Variants in CALD1 observed in about 807,000 individuals in gnomAD.
CALD1 encodes the protein caldesmon 1, also known as caldesmon.
A neutral mutation model predicts 99.9 loss-of-function variants in CALD1; 33 were observed. The ratio of observed to expected loss-of-function variants is 0.33; its 90% confidence interval spans 0.25 to 0.44. CALD1 has a LOEUF of 0.44. CALD1 is among the 20% of genes least tolerant of loss of function. The probability of loss-of-function intolerance (pLI) is 1.00; values close to 1 mark genes in which losing one functional copy is unlikely to be tolerated. For synonymous variants in CALD1, 310 were observed against 325.0 expected (o/e 0.95, Z 0.50); for missense variants, 861 against 962.1 (o/e 0.89, Z 1.39).
chr7:134,935,530 C>T (rs1047427899), intron 5 of CALD1, among the ~76,000 whole-genome samples, 158 bp from the exon 6 acceptor site: 2 of 152,174 alleles, frequency 1.3e-5, no homozygotes, highest in African/African-American at 4.8e-5. Context: ...AAATATCCCA[C>T]CTTGCTGTTT....
intron 2 of CALD1, among the ~76,000 whole-genome samples, chr7:134,864,958 C>T (rs1439360476): frequency 6.6e-6 from 1 of 152,204 alleles, no homozygotes. Context: ...AACGCATCAT[C>T]TGTCACTAAC....
chr7:134,965,410 T>C (rs780248049), intron 14 of CALD1, 24 bp downstream of exon 14: 2 of 1,135,782 alleles, frequency 1.8e-6, no homozygotes, highest in South Asian at 2.5e-5. Context: ...AAGACTAGTA[T>C]TTCAGAGGTT....
intron 1 of CALD1, among the ~76,000 whole-genome samples, chr7:134,815,325 T>C (rs1459236067): frequency 6.6e-6 from 1 of 152,168 alleles, no homozygotes; most frequent in East Asian, 1.9e-4. Flanking sequence ...AAGGAGAACA[T>C]ATACTCCATG....
At chr7:134,883,180 T>C (rs1293038993) in intron 3 of CALD1, among the ~76,000 whole-genome samples, 1 of 152,214 alleles carries the variant, frequency 6.6e-6, no homozygotes, top group African/African-American at 2.4e-5. Flanking sequence ...TTAGATCTAC[T>C]GGGAAAGAGT....
chr7:134,858,192 T>A (rs1800402318), intron 2 of CALD1, among the ~76,000 whole-genome samples: 1 of 152,114 alleles, frequency 6.6e-6, no homozygotes, highest in Non-Finnish European at 1.5e-5. Context: ...GAAAGGCCCA[T>A]GGCTTCTGAA....
chr7:134,824,871 T>C (rs555044893), intron 1 of CALD1, among the ~76,000 whole-genome samples: 1 of 152,324 alleles, frequency 6.6e-6, no homozygotes, highest in South Asian at 2.1e-4. Flanking sequence ...ACTAGAGATA[T>C]ACGTCACTTG....
At chr7:134,857,270 G>A (rs1800351866) in intron 2 of CALD1, among the ~76,000 whole-genome samples, 1 of 140,606 alleles carries the variant, frequency 7.1e-6, no homozygotes, top group Admixed American at 7.8e-5. Flanking sequence ...CCGGGTTCAC[G>A]CCATTCTCCT....
At chr7:134,957,879 C>T (rs1807896460) in intron 9 of CALD1, among the ~76,000 whole-genome samples, 190 bp from the exon 10 acceptor site, 1 of 151,624 alleles carries the variant, frequency 6.6e-6, no homozygotes, top group African/African-American at 2.4e-5. Context: ...ACCTTCATTC[C>T]CCCAAATCTC....
intron 2 of CALD1, among the ~76,000 whole-genome samples, chr7:134,863,604 G>C (rs1006469447): frequency 6.6e-6 from 1 of 152,070 alleles, no homozygotes; most frequent in East Asian, 1.9e-4. Context: ...CCAAACAAAA[G>C]CAGAAACTTA....
chr7:134,874,406 T>C (rs1183572335), intron 3 of CALD1, among the ~76,000 whole-genome samples: 6 of 152,184 alleles, frequency 3.9e-5, no homozygotes, highest in African/African-American at 1.2e-4. Context: ...CTCAAACTCC[T>C]GGCCTCAAGT....
At chr7:134,938,847 C>T (rs1013135499) in intron 6 of CALD1, among the ~76,000 whole-genome samples, 3 of 152,014 alleles carry the variant, frequency 2.0e-5, no homozygotes, top group African/African-American at 7.2e-5. Context: ...TTCTGTTAGA[C>T]ATGTATCATC....
At chr7:134,915,491 G>T (rs945766410) in intron 3 of CALD1, among the ~76,000 whole-genome samples, 1 of 152,190 alleles carries the variant, frequency 6.6e-6, no homozygotes, top group African/African-American at 2.4e-5. Flanking sequence ...GACAGCATAA[G>T]CCTTATTGGT....
chr7:134,807,170 A>G (rs1393445542), intron 1 of CALD1, among the ~76,000 whole-genome samples: 1 of 152,194 alleles, frequency 6.6e-6, no homozygotes, highest in Non-Finnish European at 1.5e-5. Flanking sequence ...TTAAATAGAA[A>G]TGAGTCTTGT....
intron 2 of CALD1, among the ~76,000 whole-genome samples, chr7:134,850,594 C>T (rs1430695661): frequency 6.6e-6 from 1 of 152,198 alleles, no homozygotes; most frequent in Non-Finnish European, 1.5e-5. Flanking sequence ...AAGAAATCAA[C>T]TTATCCATCT....
At chr7:134,782,446 T>C (rs1445928936) in intron 1 of CALD1, among the ~76,000 whole-genome samples, 1 of 152,244 alleles carries the variant, frequency 6.6e-6, no homozygotes, top group Non-Finnish European at 1.5e-5. Flanking sequence ...AAGTTTGCTA[T>C]TGGAGAGATG....
chr7:134,771,200 T>C (rs1176695739), intron 1 of CALD1, among the ~76,000 whole-genome samples: 1 of 152,204 alleles, frequency 6.6e-6, no homozygotes, highest in African/African-American at 2.4e-5. Context: ...TTTTAAATCC[T>C]ATCTAAAAAC....
chr7:134,941,282 A>AC, intron 7 of CALD1, 45 bp downstream of exon 7: 1 of 1,467,874 alleles, frequency 6.8e-7, no homozygotes, highest in Non-Finnish European at 9.2e-7. Flanking sequence ...TCACATGCAA[A>AC]GAAAAAAAAA....
chr7:134,910,774 T>C (rs149229335), intron 3 of CALD1, among the ~76,000 whole-genome samples: 41 of 152,338 alleles, frequency 2.7e-4, no homozygotes, highest in Non-Finnish European at 4.4e-4. Context: ...TCAAATACTT[T>C]TCCTGTCCAT....
At chr7:134,900,338 G>C (rs771247464) in intron 3 of CALD1, among the ~76,000 whole-genome samples, 1 of 152,058 alleles carries the variant, frequency 6.6e-6, no homozygotes, top group African/African-American at 2.4e-5. Context: ...GTATGCCTGC[G>C]AATTGAATTG....
Sources: allele counts gnomAD v4.1 joint callset (sites outside exome capture counted in the v4.1 genomes callset), GRCh38; gene constraint gnomAD v4.1.1; transcripts MANE v1.5; gene names NCBI Gene and HGNC (gene_info 2026-07-23, HGNC 2026-07-21).